Variants in BMP5 observed in about 807,000 individuals in gnomAD.
The protein encoded by BMP5 is bone morphogenetic protein 5.
Under a neutral mutation model 46.6 loss-of-function variants are expected in BMP5, and 23 were observed. The observed-to-expected ratio is 0.49, with a 90% CI of 0.35 to 0.70. BMP5 has a LOEUF of 0.70. Among genes scored for constraint, BMP5 ranks in the 30% least tolerant of loss-of-function variants. BMP5 has a pLI of 0.00. For missense variants in BMP5, 545 were observed against 565.6 expected, an observed-to-expected ratio of 0.96 and a Z score of 0.37; for synonymous variants, 204 against 191.9, an observed-to-expected ratio of 1.06 and a Z score of -0.52.
At chr6:55,870,227 A>G (rs1777750230) in intron 1 of BMP5, among the ~76,000 whole-genome samples, 2 of 151,790 alleles carry the variant, frequency 1.3e-5, no homozygotes, top group South Asian at 4.1e-4. Context: ...GCATTTAATT[A>G]AACTATGATT....
chr6:55,775,584 G>C (rs1775155433), intron 3 of BMP5, among the ~76,000 whole-genome samples: 1 of 151,854 alleles, frequency 6.6e-6, no homozygotes, highest in Non-Finnish European at 1.5e-5. Flanking sequence ...TTTGAAATAT[G>C]TGCATGATTG....
chr6:55,829,961 T>A (rs887682191), intron 1 of BMP5, among the ~76,000 whole-genome samples: 7 of 151,998 alleles, frequency 4.6e-5, no homozygotes, highest in African/African-American at 1.4e-4. Flanking sequence ...AAACATTTGG[T>A]CCCTTCAAAA....
intron 4 of BMP5, among the ~76,000 whole-genome samples, chr6:55,770,662 G>A (rs1421166160): frequency 6.6e-6 from 1 of 151,896 alleles, no homozygotes; most frequent in African/African-American, 2.4e-5. Flanking sequence ...AATCTATCTG[G>A]ACTTTCAACA....
rs181033310 is a variant in BMP5, at chr6:55,858,289, A to G, written c.490+16087T>C. Among the ~76,000 whole-genome samples, 546 of 152,324 alleles carry G rather than the reference A, an allele frequency of 3.6e-3. 1 individual carries two copies. The highest frequency in any genetic ancestry group is 6.8e-3 in the Middle Eastern group (2 of 294). On this transcript the variant is annotated intron_variant, in intron 1 of 6. Coordinates refer to ENST00000370830, the MANE Select transcript of BMP5 (RefSeq NM_021073.4). The stretch of plus-strand genomic sequence containing the variant: ...AGGATGACTTTGAGCAATTATTTTC[A>G]AAATAGAATGTTGACGGTATGTTTT...
rs1027476681 is a variant in BMP5, at chr6:55,844,088, C to G, written c.491-24241G>C. Among the ~76,000 whole-genome samples, 16 of 151,980 alleles carry G rather than the reference C, an allele frequency of 1.1e-4. No individual in the cohort carries two copies. The South Asian group carries it at 3.3e-3, about 32-fold the overall frequency. ...GGTTGTTTTCAGTTTAATAAACTTT[C>G]CACCCACCCTTTCAACAAAGTATGA... On this transcript the variant is annotated intron_variant, in intron 1 of 6. Coordinates refer to ENST00000370830, the MANE Select transcript of BMP5 (RefSeq NM_021073.4).
At chr6:55,779,763 A>G (rs1228632511) in intron 3 of BMP5, among the ~76,000 whole-genome samples, 1 of 152,038 alleles carries the variant, frequency 6.6e-6, no homozygotes, top group Admixed American at 6.6e-5. Context: ...GTTTTATTGT[A>G]AAAGCGCAGA....
chr6:55,873,989 A>T (rs950797538), intron 1 of BMP5, among the ~76,000 whole-genome samples: 7 of 150,794 alleles, frequency 4.6e-5, no homozygotes, highest in African/African-American at 9.7e-5. Flanking sequence ...TAAATCACTT[A>T]AAAAAAAAGT....
intron 2 of BMP5, among the ~76,000 whole-genome samples, chr6:55,809,245 TAAC>T (rs1184194434): frequency 2.0e-5 from 3 of 152,194 alleles, no homozygotes; most frequent in African/African-American, 7.2e-5. Context: ...GCTACTTTCT[TAAC>T]AAACTACATG....
chr6:55,789,206 C>G (rs1027342925), intron 3 of BMP5, among the ~76,000 whole-genome samples: 3 of 151,742 alleles, frequency 2.0e-5, no homozygotes, highest in African/African-American at 7.3e-5. Context: ...GATGTATAAG[C>G]AAGTTTGAAT....
chr6:55,800,222 AG>A (rs1489339235), intron 2 of BMP5, among the ~76,000 whole-genome samples: 3 of 152,234 alleles, frequency 2.0e-5, no homozygotes, highest in African/African-American at 7.2e-5. Context: ...CTAGTGATAA[AG>A]GCATAATGTC....
chr6:55,769,360 G>A (rs9475399), intron 4 of BMP5, among the ~76,000 whole-genome samples: 16,710 of 151,872 alleles, frequency 0.11, 1,092 homozygotes, highest in African/African-American at 0.16. Context: ...ATCTTCACCA[G>A]GAAGATTTTA....
chr6:55,796,167 C>T (rs1775708052), intron 2 of BMP5, among the ~76,000 whole-genome samples: 1 of 152,120 alleles, frequency 6.6e-6, no homozygotes, highest in Non-Finnish European at 1.5e-5. Context: ...ACACTGATTT[C>T]AGGTCTGCTT....
intron 5 of BMP5, 152 bp downstream of exon 5, chr6:55,760,305 G>C: frequency 1.4e-6 from 1 of 716,636 alleles, no homozygotes; most frequent in Non-Finnish European, 2.4e-6. Context: ...GGTTAATTGA[G>C]AAATGAAAAT....
At chr6:55,776,406 T>G (rs1228368768) in intron 3 of BMP5, among the ~76,000 whole-genome samples, 2 of 151,650 alleles carry the variant, frequency 1.3e-5, no homozygotes, top group African/African-American at 4.8e-5. Flanking sequence ...GTGTAGCACT[T>G]GAAATTGGTT....
At chr6:55,842,705 C>T (rs776904403) in intron 1 of BMP5, among the ~76,000 whole-genome samples, 5 of 151,690 alleles carry the variant, frequency 3.3e-5, no homozygotes, top group Non-Finnish European at 5.9e-5. Flanking sequence ...TGTACACATT[C>T]TGTTGAAGAT....
intron 1 of BMP5, among the ~76,000 whole-genome samples, chr6:55,821,241 T>C (rs1272372172): frequency 1.3e-5 from 2 of 152,130 alleles, no homozygotes; most frequent in Admixed American, 1.3e-4. Flanking sequence ...ATGCTTTGCC[T>C]TCATCCTCCA....
intron 1 of BMP5, among the ~76,000 whole-genome samples, chr6:55,870,603 A>G (rs1248781771): frequency 1.3e-5 from 2 of 152,152 alleles, no homozygotes; most frequent in Non-Finnish European, 2.9e-5. Context: ...GACTACATAG[A>G]TAGGCATCTT....
At chr6:55,759,180 A>AAAAAAAAAAAAAAAC in intron 5 of BMP5, 65 bp from the exon 6 acceptor site, 1 of 789,868 alleles carries the variant, frequency 1.3e-6, no homozygotes, top group East Asian at 3.3e-5. Flanking sequence ...AAAAAAAAAA[A>AAAAAAAAAAAAAAAC]AAACAACAAG....
chr6:55,869,374 G>A (rs1243559672), intron 1 of BMP5, among the ~76,000 whole-genome samples: 2 of 151,660 alleles, frequency 1.3e-5, no homozygotes, highest in Non-Finnish European at 2.9e-5. Context: ...TTTCTTTCAG[G>A]CTCTTTTTCA....
Sources: allele counts gnomAD v4.1 joint callset (sites outside exome capture counted in the v4.1 genomes callset), GRCh38; gene constraint gnomAD v4.1.1; transcripts MANE v1.5; gene names NCBI Gene and HGNC (gene_info 2026-07-23, HGNC 2026-07-21).